COL14A1: variants seen among roughly 807,000 people sequenced by gnomAD.
COL14A1 encodes the protein collagen type XIV alpha 1 chain.
Under a neutral mutation model 230.3 loss-of-function variants are expected in COL14A1, and 136 were observed. That is an observed-to-expected ratio of 0.59 (90% confidence interval 0.51 to 0.68). The LOEUF (loss-of-function observed/expected upper bound fraction) is 0.68. Among genes scored for constraint, COL14A1 ranks in the 30% least tolerant of loss-of-function variants. The pLI is 0.00. For synonymous variants in COL14A1, 792 were observed against 784.1 expected, an observed-to-expected ratio of 1.01 and a Z score of -0.17; for missense variants, 1,976 against 2,215.8, an observed-to-expected ratio of 0.89 and a Z score of 2.17.
In COL14A1 at chr8:120,262,861, A is replaced by G; in HGVS notation, c.2870-7A>G. 1.9e-6 allele frequency: 3 copies of G among 1,594,994 alleles called. No individual in the cohort carries two copies. Among genetic ancestry groups the G allele is most frequent in the Non-Finnish European group, 2.6e-6 (3 of 1,175,272 alleles). ...TGTGTTTTTGTTTTGTTTTGTTTTT[A>G]TTATAGATAGGCAAAAGCAAGAATC... On this transcript the variant is annotated splice_region_variant and splice_polypyrimidine_tract_variant and intron_variant, in intron 23 of 47. Coordinates refer to ENST00000297848, the MANE Select transcript of COL14A1 (RefSeq NM_021110.4).
chr8:120,128,309 T>G (rs573400019), intron 1 of COL14A1, among the ~76,000 whole-genome samples: 33 of 152,066 alleles, frequency 2.2e-4, no homozygotes, highest in Non-Finnish European at 4.4e-4. Context: ...TATCTGCCTT[T>G]TTCTCTTTTA....
intron 20 of COL14A1, 51 bp downstream of exon 20, chr8:120,244,059 T>C: frequency 6.3e-7 from 1 of 1,588,710 alleles, no homozygotes; most frequent in Non-Finnish European, 8.6e-7. Flanking sequence ...TAAATGGAAA[T>C]GCTTGTCCCC....
At chr8:120,138,030 T>C (rs1814768840) in intron 1 of COL14A1, among the ~76,000 whole-genome samples, 1 of 152,266 alleles carries the variant, frequency 6.6e-6, no homozygotes, top group East Asian at 1.9e-4. Context: ...TAAATTTTAC[T>C]GTTACACTTA....
chr8:120,253,093 A>G (rs186924527), intron 22 of COL14A1, among the ~76,000 whole-genome samples: 195 of 152,262 alleles, frequency 1.3e-3, no homozygotes, highest in African/African-American at 4.5e-3. Context: ...TTTTGCTCCT[A>G]TGGCAACTTC....
At position 120,279,760 on chromosome 8, in the gene COL14A1, T is replaced by C. The variant is rs572474942; in HGVS notation, c.3482-175T>C. Among the ~76,000 whole-genome samples, 13 of 152,308 alleles carry C rather than the reference T, an allele frequency of 8.5e-5. No individual in the cohort carries two copies. The South Asian group carries it at 2.7e-3, about 32-fold the overall frequency. On this transcript the variant is annotated intron_variant, in intron 28 of 47. Coordinates refer to ENST00000297848, the MANE Select transcript of COL14A1 (RefSeq NM_021110.4). The stretch of plus-strand genomic sequence containing the variant: ...TCTTTAGGGGATGATGGAATCATTA[T>C]CACATAATGAAATATATACATGCAG...
chr8:120,235,273 G>A (rs182677966), intron 19 of COL14A1, among the ~76,000 whole-genome samples: 5 of 152,086 alleles, frequency 3.3e-5, no homozygotes, highest in Admixed American at 2.6e-4. Context: ...GGGTTCCAGC[G>A]ATTCTCCTGC....
intron 47 of COL14A1, chr8:120,370,546 C>T: frequency 6.8e-7 from 1 of 1,467,594 alleles, no homozygotes; most frequent in Non-Finnish European, 9.0e-7. Context: ...CTGCTCCAAA[C>T]ATGATGGAGT....
intron 20 of COL14A1, among the ~76,000 whole-genome samples, chr8:120,246,874 G>T (rs902542281): frequency 2.6e-5 from 4 of 152,004 alleles, no homozygotes; most frequent in African/African-American, 9.7e-5. Context: ...GAAATATGAA[G>T]ATGAAAGCAA....
At chr8:120,192,364 A>T (rs1433001261) in intron 5 of COL14A1, among the ~76,000 whole-genome samples, 1 of 152,162 alleles carries the variant, frequency 6.6e-6, no homozygotes, top group African/African-American at 2.4e-5. Flanking sequence ...AAGAATGTTG[A>T]ATATTGGCCC....
chr8:120,225,029 A>T, intron 14 of COL14A1, 59 bp from the exon 15 acceptor site: 1 of 1,519,102 alleles, frequency 6.6e-7, no homozygotes. Flanking sequence ...GACAATAATA[A>T]AATGATTCTT....
chr8:120,313,801 A>G, intron 37 of COL14A1, 131 bp from the exon 38 acceptor site: 1 of 592,758 alleles, frequency 1.7e-6, no homozygotes, highest in Non-Finnish European at 3.0e-6. Context: ...ATGTCTTGCT[A>G]TCCTGAGTAT....
At chr8:120,340,596 C>A (rs1237102306) in intron 42 of COL14A1, among the ~76,000 whole-genome samples, 1 of 152,128 alleles carries the variant, frequency 6.6e-6, no homozygotes, top group African/African-American at 2.4e-5. Flanking sequence ...ATATGAAATC[C>A]TTCTGAAGAC....
At chr8:120,249,631 C>T (rs559521705) in intron 21 of COL14A1, among the ~76,000 whole-genome samples, 9 of 152,268 alleles carry the variant, frequency 5.9e-5, no homozygotes, top group Admixed American at 3.3e-4. Flanking sequence ...TTGATTGTTA[C>T]AACTGGTGAG....
intron 2 of COL14A1, among the ~76,000 whole-genome samples, chr8:120,154,789 T>TA (rs201747151): frequency 0.011 from 1,725 of 152,112 alleles, 26 homozygotes; most frequent in African/African-American, 0.037. Context: ...AAGTATATGT[T>TA]AAAAAAAAGT....
intron 45 of COL14A1, among the ~76,000 whole-genome samples, chr8:120,349,579 C>G (rs982811473): frequency 7.3e-6 from 1 of 137,794 alleles, no homozygotes; most frequent in Non-Finnish European, 1.5e-5. Flanking sequence ...TCGAGAACTA[C>G]GTGAAGAATG....
At chr8:120,202,989 A>AACATATATAT (rs1817299671) in intron 8 of COL14A1, among the ~76,000 whole-genome samples, 1 of 106,554 alleles carries the variant, frequency 9.4e-6, no homozygotes, top group South Asian at 3.5e-4. Context: ...AATAATTTCA[A>AACATATATAT]ATATATATAT....
intron 5 of COL14A1, among the ~76,000 whole-genome samples, chr8:120,186,451 A>G (rs921117567): frequency 9.2e-5 from 14 of 152,238 alleles, no homozygotes; most frequent in African/African-American, 2.9e-4. Flanking sequence ...GTGGCATAGA[A>G]CAAAATAATT....
intron 2 of COL14A1, among the ~76,000 whole-genome samples, chr8:120,154,972 C>A (rs1815418212): frequency 2.0e-5 from 3 of 152,152 alleles, no homozygotes; most frequent in Admixed American, 1.3e-4. Flanking sequence ...GGGGAAAAAA[C>A]CTAACTTTGA....
At chr8:120,187,827 A>C (rs1347964682) in intron 5 of COL14A1, among the ~76,000 whole-genome samples, 1 of 152,164 alleles carries the variant, frequency 6.6e-6, no homozygotes, top group African/African-American at 2.4e-5. Flanking sequence ...TTCCCCCTTA[A>C]TTTCTAGATT....
Sources: allele counts gnomAD v4.1 joint callset (sites outside exome capture counted in the v4.1 genomes callset), GRCh38; gene constraint gnomAD v4.1.1; transcripts MANE v1.5; gene names NCBI Gene and HGNC (gene_info 2026-07-23, HGNC 2026-07-21).